DNAH11: variants seen among roughly 807,000 people sequenced by gnomAD.
DNAH11 encodes axonemal beta dynein heavy chain 11.
In DNAH11, 442 loss-of-function variants were observed where a neutral mutation model predicts 526.0. That is an observed-to-expected ratio of 0.84 (90% CI 0.78 to 0.91). The LOEUF is 0.91. Ranked by LOEUF, DNAH11 falls within the 40% of genes least tolerant of loss-of-function variation. The pLI is 0.00. For missense variants in DNAH11, 6,989 were observed against 5,448.7 expected, an observed-to-expected ratio of 1.28 and a Z score of -8.90; for synonymous variants, 2,461 against 1,935.9, an observed-to-expected ratio of 1.27 and a Z score of -7.12.
At position 21,543,108 on chromosome 7, in the gene DNAH11, G is replaced by C. The variant is rs1782647873; in HGVS notation, c.-138G>C. The stretch of plus-strand genomic sequence containing the variant: ...GTGGCGCGGCTGCTAAGTAGCAGCA[G>C]GTGGGAGACTAGGGTCTGCGCTCGC... On this transcript the variant is annotated 5_prime_UTR_variant, in exon 1 of 82. Transcript: ENST00000409508. 2.1e-6 allele frequency: 3 copies of C among 1,420,360 alleles called. No homozygotes were observed. The highest frequency in any genetic ancestry group is 1.6e-5 in the South Asian group (1 of 63,284). 88.0% of individuals were successfully genotyped at this position (1,420,360 alleles called of 1,614,324 possible). A position where few individuals can be genotyped will look rare whatever the true frequency, so the allele number is the denominator to read the frequency against.
chr7:21,868,032 C>T (rs964031014), intron 72 of DNAH11, 25 bp downstream of exon 72: 1 of 1,471,646 alleles, frequency 6.8e-7, no homozygotes, highest in Non-Finnish European at 9.0e-7. Flanking sequence ...GGCTCGCTGG[C>T]CCGCCCCTTC....
chr7:21,546,263 C>T (rs1285236559), intron 2 of DNAH11, among the ~76,000 whole-genome samples: 1 of 152,164 alleles, frequency 6.6e-6, no homozygotes, highest in Non-Finnish European at 1.5e-5. Context: ...AGTCTCTCAC[C>T]CCTAACTCCT....
intron 63 of DNAH11, among the ~76,000 whole-genome samples, chr7:21,810,487 G>A (rs891579330): frequency 2.6e-5 from 4 of 152,190 alleles, no homozygotes; most frequent in African/African-American, 7.2e-5. Context: ...GTAGGAAAAT[G>A]CAGTGCAAGC....
At chr7:21,829,855 C>T (rs1475573186) in intron 65 of DNAH11, among the ~76,000 whole-genome samples, 1 of 152,186 alleles carries the variant, frequency 6.6e-6, no homozygotes, top group East Asian at 1.9e-4. Flanking sequence ...TTCTTGTTTT[C>T]AGGAAACTGA....
intron 20 of DNAH11, among the ~76,000 whole-genome samples, chr7:21,613,208 T>C (rs1371339904): frequency 2.0e-5 from 3 of 152,216 alleles, no homozygotes; most frequent in Non-Finnish European, 2.9e-5. Flanking sequence ...TAAATATCAA[T>C]TGAAATGTGA....
rs1238328490 is a variant in DNAH11, at chr7:21,601,564, C to G, written c.3594C>G (p.Thr1198=). 3 of 1,609,234 alleles carry G rather than the reference C, an allele frequency of 1.9e-6. No individual in the cohort carries two copies. The African/African-American group carries it at 4.0e-5, about 21-fold the overall frequency. Reference sequence around the variant, plus strand: ...TTGAACCTCTAAAAGAAACGATCACCCTCTTGGAAAGCTATGGCCAGAAGA... The same window carrying G: ...TTGAACCTCTAAAAGAAACGATCACGCTCTTGGAAAGCTATGGCCAGAAGA... ...ELFEPLKETI[T]LLESYGQKMP... is the part of the protein sequence containing the mutation. The change falls in exon 18 of 82, where the codon ACC becomes ACG. Residue 1198 remains threonine (T), a synonymous_variant. Transcript: ENST00000409508.
intron 34 of DNAH11, 147 bp downstream of exon 34, chr7:21,687,674 A>T: frequency 1.0e-6 from 1 of 1,003,750 alleles, no homozygotes; most frequent in South Asian, 1.8e-5. Flanking sequence ...AATTATTTTG[A>T]ATAGTCTCCC....
chr7:21,763,353 A>AAAAAAAAAAAG (rs66803559), intron 54 of DNAH11, among the ~76,000 whole-genome samples: 2 of 56,964 alleles, frequency 3.5e-5, no homozygotes, highest in African/African-American at 1.0e-4. Flanking sequence ...AAAAAAAAAA[A>AAAAAAAAAAAG]AAAGAAAAAA....
At chr7:21,683,261 A>C (rs150454566) in intron 31 of DNAH11, among the ~76,000 whole-genome samples, 1 of 152,188 alleles carries the variant, frequency 6.6e-6, no homozygotes, top group African/African-American at 2.4e-5. Flanking sequence ...TAACTGGAAG[A>C]TGAATGGTTA....
At chr7:21,701,903 G>T (rs1248830615) in intron 36 of DNAH11, among the ~76,000 whole-genome samples, 1 of 152,060 alleles carries the variant, frequency 6.6e-6, no homozygotes, top group Non-Finnish European at 1.5e-5. Context: ...GAGATGGGTT[G>T]TTACTGTGTG....
intron 25 of DNAH11, among the ~76,000 whole-genome samples, chr7:21,632,697 T>C (rs1045121289): frequency 6.6e-6 from 1 of 152,186 alleles, no homozygotes; most frequent in Non-Finnish European, 1.5e-5. Context: ...TCATTGTCTG[T>C]GTCATTATCA....
At chr7:21,835,447 G>T (rs1781957629) in intron 65 of DNAH11, among the ~76,000 whole-genome samples, 1 of 152,120 alleles carries the variant, frequency 6.6e-6, no homozygotes, top group African/African-American at 2.4e-5. Context: ...AGGAATGCAA[G>T]AGTGGTTCAA....
intron 65 of DNAH11, among the ~76,000 whole-genome samples, chr7:21,830,569 A>G (rs558651915): frequency 9.1e-4 from 138 of 152,190 alleles, no homozygotes; most frequent in Non-Finnish European, 8.8e-4. Context: ...TTAACCTGCA[A>G]TGTTATGCAG....
intron 60 of DNAH11, 83 bp from the exon 61 acceptor site, chr7:21,789,158 T>C: frequency 9.8e-7 from 1 of 1,021,712 alleles, no homozygotes; most frequent in Non-Finnish European, 1.5e-6. Flanking sequence ...GAATTAGAGA[T>C]TTTAATTGTA....
rs35535321 is a variant in DNAH11, at chr7:21,574,564, C to CTTTTTTTTTT, written c.1593+2599_1593+2608dup. Among the ~76,000 whole-genome samples, 371 of 123,824 alleles carry CTTTTTTTTTT rather than the reference C, an allele frequency of 3.0e-3. 5 individuals carry two copies. The highest frequency in any genetic ancestry group is 0.011 in the African/African-American group (349 of 31,278). 81.2% of individuals were successfully genotyped at this position (123,824 alleles called of 152,430 possible). A position where few individuals can be genotyped will look rare whatever the true frequency, so the allele number is the denominator to read the frequency against. On this transcript the variant is annotated intron_variant, in intron 8 of 81. Transcript: ENST00000409508. ...CCTCCCTCCCTCCCTCCCTTCCTTCCTTTTTTTTTTTTTTTTTAAGACAGA... is the reference window on the plus strand; with the variant it reads ...CCTCCCTCCCTCCCTCCCTTCCTTCCTTTTTTTTTTTTTTTTTTTTTTTTTTTAAGACAGA...
At chr7:21,574,228 T>C (rs186422009) in intron 8 of DNAH11, among the ~76,000 whole-genome samples, 36 of 152,316 alleles carry the variant, frequency 2.4e-4, no homozygotes, top group Middle Eastern at 3.4e-3. Flanking sequence ...CTTTCTGTGG[T>C]GTTTCTTGAT....
chr7:21,717,527 T>C (rs1784712731), intron 42 of DNAH11, among the ~76,000 whole-genome samples: 1 of 152,172 alleles, frequency 6.6e-6, no homozygotes, highest in African/African-American at 2.4e-5. Flanking sequence ...TTATATTCCA[T>C]TATGTTTGGC....
intron 39 of DNAH11, among the ~76,000 whole-genome samples, chr7:21,706,639 C>G (rs1237273752): frequency 6.6e-6 from 1 of 152,094 alleles, no homozygotes; most frequent in Non-Finnish European, 1.5e-5. Flanking sequence ...AAAATATAAG[C>G]TTAATATTCC....
intron 65 of DNAH11, among the ~76,000 whole-genome samples, chr7:21,829,762 A>G (rs995570971): frequency 6.6e-6 from 1 of 152,246 alleles, no homozygotes; most frequent in Admixed American, 6.5e-5. Context: ...TTTTAGAAAT[A>G]AGAATTTCAG....
Sources: gnomAD v4.1 joint callset for allele counts (sites outside exome capture counted in the v4.1 genomes callset) on GRCh38, gnomAD v4.1.1 for gene constraint, MANE v1.5 for transcripts, NCBI Gene and HGNC (gene_info 2026-07-23, HGNC 2026-07-21) for gene names.